MAGED1: variants seen among roughly 807,000 people sequenced by gnomAD.
MAGED1 encodes the protein melanoma-associated antigen D1.
In MAGED1, 3 loss-of-function variants were observed where a neutral mutation model predicts 54.1. The observed-to-expected ratio is 0.06, with a 90% CI of 0.03 to 0.14. The LOEUF is 0.14. MAGED1 is among the 10% of genes least tolerant of loss of function. The pLI is 1.00. For missense variants in MAGED1, 485 were observed against 623.4 expected (o/e 0.78, Z 2.36); for synonymous variants, 217 against 227.3 (o/e 0.95, Z 0.41).
intron 1 of MAGED1, among the ~76,000 whole-genome samples, chrX:51,843,574 C>T (rs1223548480): frequency 8.9e-6 from 1 of 111,813 alleles, no homozygotes; most frequent in Non-Finnish European, 1.9e-5. Context: ...AGAAACGAAC[C>T]TCACTAACAG....
chrX:51,829,579 G>C lies in MAGED1; in HGVS notation c.-37+26462G>C, dbSNP rs1205076354. ...GTTTATTATCTCAGGGAAGGGAAGGGTTGTTGAAACAGAATGTATAAAGAA... is the reference window on the plus strand; with the variant it reads ...GTTTATTATCTCAGGGAAGGGAAGGCTTGTTGAAACAGAATGTATAAAGAA... On this transcript the variant is annotated intron_variant, in intron 1 of 12. Transcript: ENST00000375772. Among the ~76,000 whole-genome samples, 5 of 110,163 alleles carry C rather than the reference G, an allele frequency of 4.5e-5. No homozygotes were observed. The Admixed American group carries it at 4.9e-4, about 11-fold the overall frequency.
At chrX:51,812,307 C>T (rs1381559074) in intron 1 of MAGED1, among the ~76,000 whole-genome samples, 1 of 111,625 alleles carries the variant, frequency 9.0e-6, no homozygotes, top group Non-Finnish European at 1.9e-5. Flanking sequence ...GCCATTTAGC[C>T]TTGAGCTTGA....
chrX:51,872,821 G>A (rs1557361715), intron 1 of MAGED1, among the ~76,000 whole-genome samples: 1 of 111,870 alleles, frequency 8.9e-6, no homozygotes, highest in Non-Finnish European at 1.9e-5. Flanking sequence ...TGACCTGGAA[G>A]TTACCTTATA....
intron 1 of MAGED1, among the ~76,000 whole-genome samples, chrX:51,852,865 C>T (rs782395186): frequency 2.4e-4 from 27 of 111,530 alleles, no homozygotes; most frequent in Admixed American, 1.3e-3. Context: ...TCTGGGTCCT[C>T]GTTATGCTGG....
At chrX:51,873,745 T>G (rs1831226358) in intron 1 of MAGED1, among the ~76,000 whole-genome samples, 1 of 111,255 alleles carries the variant, frequency 9.0e-6, no homozygotes, top group African/African-American at 3.3e-5. Flanking sequence ...TTTTTGTTCC[T>G]TGGTCCTTGG....
At chrX:51,890,584 C>T (rs928145708), upstream of MAGED1, among the ~76,000 whole-genome samples, 2 of 110,991 alleles carry the variant, frequency 1.8e-5, no homozygotes, top group African/African-American at 3.3e-5. Context: ...TATGACCTTA[C>T]TAAAATGTTA....
intron 1 of MAGED1, among the ~76,000 whole-genome samples, chrX:51,851,204 A>C (rs1013673741): frequency 1.8e-5 from 2 of 111,886 alleles, no homozygotes; most frequent in African/African-American, 6.5e-5. Context: ...TGAAATAGAA[A>C]TCATGACATT....
rs937568012 is a variant in MAGED1 at position 51,896,417 on chromosome X, C to G, written c.762C>G (p.Asn254Lys). 4.2e-6 allele frequency: 5 copies of G among 1,203,917 alleles called. No individual in the cohort carries two copies. The East Asian group carries it at 1.5e-4, about 36-fold the overall frequency. The change falls in exon 4 of 13, where the codon AAC (asparagine) becomes AAG (lysine). Residue 254 changes from asparagine (N) to lysine (K), a missense_variant. Asn to Lys is a moderately conservative substitution (Grantham distance 94). Transcript: ENST00000326587. The stretch of plus-strand genomic sequence containing the variant: ...TCTCTCTGATGATGCAGATTAATAA[C>G]TTGAATGTTGAAGAGAACAGCAGTG... ...IRGKRTRKIN[N>K]LNVEENSSGD...
At chrX:51,803,358 A>C (rs1406468050) in intron 1 of MAGED1, among the ~76,000 whole-genome samples, 1 of 104,712 alleles carries the variant, frequency 9.6e-6, no homozygotes, top group African/African-American at 3.5e-5. Flanking sequence ...TAACCGCTTG[A>C]CTCCTGGTCA....
intron 1 of MAGED1, among the ~76,000 whole-genome samples, chrX:51,884,462 C>T (rs1928171680): frequency 8.9e-6 from 1 of 111,788 alleles, no homozygotes; most frequent in South Asian, 3.7e-4. Context: ...AAGACATTTC[C>T]AGAAGAAGGA....
intron 1 of MAGED1, among the ~76,000 whole-genome samples, chrX:51,881,458 C>G (rs1000214017): frequency 9.2e-6 from 1 of 108,499 alleles, no homozygotes; most frequent in Admixed American, 9.8e-5. Context: ...TCTCGTTGCC[C>G]AGGCTGGAGT....
chrX:51,824,701 T>C (rs782624558), intron 1 of MAGED1, among the ~76,000 whole-genome samples: 90 of 62,662 alleles, frequency 1.4e-3, no homozygotes, highest in African/African-American at 5.8e-3. Flanking sequence ...GTTTATATTG[T>C]CTCTGTGTGT....
upstream of MAGED1, among the ~76,000 whole-genome samples, chrX:51,890,749 A>G (rs1921322721): frequency 9.1e-6 from 1 of 109,506 alleles, no homozygotes; most frequent in African/African-American, 3.3e-5. Context: ...TCATTAATGT[A>G]TAAAAATGTG....
chrX:51,815,250 A>G (rs1217490722), intron 1 of MAGED1, among the ~76,000 whole-genome samples: 1 of 111,154 alleles, frequency 9.0e-6, no homozygotes, highest in Non-Finnish European at 1.9e-5. Flanking sequence ...AGTTAACTAT[A>G]AAAGAGCCAC....
rs182826869 is a variant in MAGED1 at position 51,869,591 on chromosome X, G to A, written c.-36-24678G>A. On this transcript the variant is annotated intron_variant, in intron 1 of 12. Coordinates refer to the MAGED1 transcript ENST00000375772. ...TTTTTTAAGAGACAGGGTATCCGCC[G>A]GGTGCGGTGGCTTATGCCTGTGATT... 1.8e-3 allele frequency among the ~76,000 whole-genome samples: 194 copies of A among 110,487 alleles called. 2 individuals are homozygous for A. The highest frequency in any genetic ancestry group is 6.1e-3 in the African/African-American group (185 of 30,359).
Position 51,812,839 on chromosome X carries a change from T to A in MAGED1, c.-37+9722T>A, listed in dbSNP as rs995989203. ...CTCTTTGAAGAACTGCCAAACTCTT[T>A]TCCAAAATGGCTCTACCACTTAAAT... On this transcript the variant is annotated intron_variant, in intron 1 of 12. Coordinates refer to the MAGED1 transcript ENST00000375772. 9.0e-4 allele frequency among the ~76,000 whole-genome samples: 99 copies of A among 110,570 alleles called. 5 individuals carry two copies. Among genetic ancestry groups the A allele is most frequent in the Non-Finnish European group, 1.9e-5 (1 of 52,951 alleles).
intron 1 of MAGED1, among the ~76,000 whole-genome samples, chrX:51,851,941 G>T (rs782734161): frequency 1.7e-4 from 19 of 112,000 alleles, no homozygotes; most frequent in Non-Finnish European, 3.2e-4. Flanking sequence ...ACTACCAGAT[G>T]TATTAGTTTC....
intron 1 of MAGED1, among the ~76,000 whole-genome samples, chrX:51,839,920 G>A (rs1241495455): frequency 1.8e-5 from 2 of 112,236 alleles, no homozygotes; most frequent in Non-Finnish European, 3.8e-5. Context: ...TTCTCAAAAT[G>A]TGGTCCAGGG....
intron 1 of MAGED1, among the ~76,000 whole-genome samples, chrX:51,871,081 G>C (rs1927652045): frequency 8.9e-6 from 1 of 112,222 alleles, no homozygotes; most frequent in Non-Finnish European, 1.9e-5. Flanking sequence ...AGCCCAGACT[G>C]CATAAGACTC....
Sources: gnomAD v4.1 joint callset for allele counts (sites outside exome capture counted in the v4.1 genomes callset) on GRCh38, gnomAD v4.1.1 for gene constraint, MANE v1.5 for transcripts, NCBI Gene and HGNC (gene_info 2026-07-23, HGNC 2026-07-21) for gene names.